The following CSGALNACT1 variants were observed in gnomAD, a reference collection of about 807,000 sequenced individuals.
CSGALNACT1 encodes beta4GalNAcT-1.
Under a neutral mutation model 51.0 loss-of-function variants are expected in CSGALNACT1, and 52 were observed. That is an observed-to-expected ratio of 1.02 (90% CI 0.82 to 1.29). The LOEUF is 1.29. Among genes scored for constraint, CSGALNACT1 ranks in the 50% most tolerant of loss-of-function variants. The pLI, the probability that CSGALNACT1 is intolerant of heterozygous loss-of-function variation, is 0.00. For missense variants in CSGALNACT1, 935 were observed against 679.2 expected (o/e 1.38, Z -4.19); for synonymous variants, 341 against 254.4 (o/e 1.34, Z -3.24).
chr8:19,649,393 A>C (rs530241153), intron 1 of CSGALNACT1, among the ~76,000 whole-genome samples: 3 of 152,196 alleles, frequency 2.0e-5, no homozygotes, highest in Non-Finnish European at 4.4e-5. Flanking sequence ...GGTATTCTAT[A>C]CATGAGCGTG....
chr8:19,751,044 A>C (rs977249712), intron 1 of CSGALNACT1, among the ~76,000 whole-genome samples: 1 of 152,214 alleles, frequency 6.6e-6, no homozygotes, highest in African/African-American at 2.4e-5. Flanking sequence ...ATCTTGCTCC[A>C]TCATGCCCAG....
chr8:19,560,610 C>T (rs2040490221), intron 3 of CSGALNACT1, among the ~76,000 whole-genome samples: 1 of 152,088 alleles, frequency 6.6e-6, no homozygotes. Flanking sequence ...TGACCACAAA[C>T]AGGAAAAAGG....
chr8:19,418,801 G>C (rs375164938), intron 7 of CSGALNACT1, 51 bp from the exon 7 acceptor site: 13 of 1,319,872 alleles, frequency 9.8e-6, no homozygotes, highest in Non-Finnish European at 1.4e-5. Flanking sequence ...CCAAGTAGTA[G>C]GTTTGTTCCT....
chr8:19,650,699 C>CA (rs1196918313), intron 1 of CSGALNACT1, among the ~76,000 whole-genome samples: 3 of 152,144 alleles, frequency 2.0e-5, no homozygotes, highest in African/African-American at 4.8e-5. Context: ...ACTGAAACAA[C>CA]ACGCTTAAGC....
chr8:19,572,052 A>T (rs372505392), intron 3 of CSGALNACT1, among the ~76,000 whole-genome samples: 2 of 152,194 alleles, frequency 1.3e-5, no homozygotes, highest in African/African-American at 4.8e-5. Context: ...AACATCAGCC[A>T]CCTTCAAGTG....
chr8:19,734,214 T>C (rs530943920), intron 1 of CSGALNACT1, among the ~76,000 whole-genome samples: 5 of 152,338 alleles, frequency 3.3e-5, no homozygotes, highest in Non-Finnish European at 7.4e-5. Flanking sequence ...ATCTACACCT[T>C]GTACCAAGTG....
rs925791728 is a variant in CSGALNACT1 at position 19,666,847 on chromosome 8, A to G, written c.-544+15626T>C. On this transcript the variant is annotated intron_variant, in intron 1 of 9. Transcript: ENST00000332246. ...AGAGAGAGAGAGAAAGAAAGAAAGA[A>G]AGAAAGAAAGAAAGAAAGAAAGAAA... Among the ~76,000 whole-genome samples the G allele has an allele frequency of 1.2e-3, 123 of 106,786 alleles. 5 individuals carry two copies. Among genetic ancestry groups the G allele is most frequent in the Middle Eastern group, 4.4e-3 (1 of 226 alleles). 70.1% of individuals were successfully genotyped at this position (106,786 alleles called of 152,430 possible).
At chr8:19,486,615 G>T (rs1221235574) in intron 4 of CSGALNACT1, among the ~76,000 whole-genome samples, 2 of 152,088 alleles carry the variant, frequency 1.3e-5, no homozygotes, top group African/African-American at 2.4e-5. Flanking sequence ...AGGCATGGGT[G>T]GCCACCTCTT....
intron 1 of CSGALNACT1, among the ~76,000 whole-genome samples, chr8:19,744,850 C>T (rs2064549693): frequency 6.6e-6 from 1 of 152,188 alleles, no homozygotes; most frequent in African/African-American, 2.4e-5. Flanking sequence ...TGTGTCTACA[C>T]ACTGTACTAT....
At chr8:19,509,551 G>A (rs1317625000) in intron 3 of CSGALNACT1, among the ~76,000 whole-genome samples, 1 of 149,578 alleles carries the variant, frequency 6.7e-6, no homozygotes, top group Non-Finnish European at 1.5e-5. Context: ...GAACCCGGGA[G>A]GCAGAGGTTG....
At chr8:19,622,156 G>A (rs1208471186) in intron 1 of CSGALNACT1, among the ~76,000 whole-genome samples, 2 of 152,176 alleles carry the variant, frequency 1.3e-5, no homozygotes, top group African/African-American at 2.4e-5. Flanking sequence ...GCACTCCATT[G>A]TTTCACATTT....
At chr8:19,425,322 C>G (rs553924192) in intron 6 of CSGALNACT1, among the ~76,000 whole-genome samples, 2 of 152,182 alleles carry the variant, frequency 1.3e-5, no homozygotes, top group African/African-American at 2.4e-5. Flanking sequence ...ACTTGGGCAA[C>G]AGAGCTACAT....
intron 5 of CSGALNACT1, among the ~76,000 whole-genome samples, chr8:19,441,721 G>A (rs938818812): frequency 1.8e-4 from 28 of 151,936 alleles, no homozygotes; most frequent in Middle Eastern, 3.2e-3. Context: ...TGACAAATGG[G>A]ATCTAATTAA....
chr8:19,608,180 C>A (rs948313797), intron 1 of CSGALNACT1, among the ~76,000 whole-genome samples: 3 of 152,172 alleles, frequency 2.0e-5, no homozygotes, highest in Admixed American at 1.3e-4. Flanking sequence ...AGTAAACTCA[C>A]CCCCAAAGAT....
intron 2 of CSGALNACT1, among the ~76,000 whole-genome samples, chr8:19,598,074 C>T (rs528272794): frequency 1.3e-5 from 2 of 152,242 alleles, no homozygotes; most frequent in Admixed American, 6.5e-5. Context: ...GAAGGCACTG[C>T]AGATATGGGA....
chr8:19,436,354 C>G (rs185639558), intron 6 of CSGALNACT1, among the ~76,000 whole-genome samples: 1 of 152,190 alleles, frequency 6.6e-6, no homozygotes, highest in East Asian at 1.9e-4. Context: ...GAGTCTAGAC[C>G]TTAACAGGAG....
At chr8:19,490,321 G>A (rs2153958752) in intron 4 of CSGALNACT1, among the ~76,000 whole-genome samples, 1 of 152,262 alleles carries the variant, frequency 6.6e-6, no homozygotes, top group East Asian at 1.9e-4. Flanking sequence ...GGAAAGAGAG[G>A]AAAAGAGAGA....
At chr8:19,750,763 C>A (rs188040333) in intron 1 of CSGALNACT1, among the ~76,000 whole-genome samples, 1 of 152,266 alleles carries the variant, frequency 6.6e-6, no homozygotes, top group Admixed American at 6.5e-5. Context: ...TGGCAGAGTA[C>A]CTTCATAGAA....
At chr8:19,750,752 C>G (rs2064978547) in intron 1 of CSGALNACT1, among the ~76,000 whole-genome samples, 1 of 152,182 alleles carries the variant, frequency 6.6e-6, no homozygotes, top group African/African-American at 2.4e-5. Flanking sequence ...CCTGCAGTGT[C>G]TGGCAGAGTA....
Sources: allele counts gnomAD v4.1 joint callset (sites outside exome capture counted in the v4.1 genomes callset), GRCh38; gene constraint gnomAD v4.1.1; transcripts MANE v1.5; gene names NCBI Gene and HGNC (gene_info 2026-07-23, HGNC 2026-07-21).